Variants in TLL1 observed in about 807,000 individuals in gnomAD.
TLL1 encodes the protein tolloid like 1.
In TLL1, 49 loss-of-function variants were observed where a neutral mutation model predicts 128.2. That is an observed-to-expected ratio of 0.38 (90% CI 0.30 to 0.48). The LOEUF (loss-of-function observed/expected upper bound fraction) is 0.48, where lower values mean the gene tolerates loss of function less well. TLL1 is among the 20% of genes least tolerant of loss of function. The pLI is 0.96. For synonymous variants in TLL1, 454 were observed against 418.8 expected, an observed-to-expected ratio of 1.08 and a Z score of -1.03; for missense variants, 1,123 against 1,242.0, an observed-to-expected ratio of 0.90 and a Z score of 1.44.
intron 12 of TLL1, chr4:166,044,362 C>T: frequency 2.0e-6 from 3 of 1,535,460 alleles, no homozygotes; most frequent in Non-Finnish European, 1.7e-6. Flanking sequence ...TCTGTACCTG[C>T]AGCAGGAGCA....
intron 9 of TLL1, among the ~76,000 whole-genome samples, chr4:166,032,126 TTAAG>T (rs1466638562): frequency 1.3e-5 from 2 of 152,044 alleles, no homozygotes; most frequent in Non-Finnish European, 2.9e-5. Context: ...CAACCAAAAT[TTAAG>T]CAAGACTAGA....
At chr4:165,945,895 C>T (rs76657655) in intron 1 of TLL1, among the ~76,000 whole-genome samples, 4,452 of 152,134 alleles carry the variant, frequency 0.029, 117 homozygotes, top group African/African-American at 0.065. Context: ...AAACAGCACA[C>T]GTTAAAACTG....
chr4:165,956,040 C>T (rs1390829192), intron 1 of TLL1, among the ~76,000 whole-genome samples: 1 of 151,986 alleles, frequency 6.6e-6, no homozygotes, highest in Non-Finnish European at 1.5e-5. Flanking sequence ...GGGTGTAAAA[C>T]AGGGAGTAGA....
intron 7 of TLL1, among the ~76,000 whole-genome samples, chr4:166,009,465 A>G (rs547801446): frequency 6.6e-5 from 10 of 151,370 alleles, no homozygotes; most frequent in Admixed American, 5.3e-4. Context: ...ACTTTTTTCC[A>G]TGTTGCATTG....
chr4:166,027,345 C>T (rs1455861763), intron 9 of TLL1, among the ~76,000 whole-genome samples: 1 of 151,958 alleles, frequency 6.6e-6, no homozygotes, highest in Non-Finnish European at 1.5e-5. Flanking sequence ...CTCTCATTAG[C>T]CGTGGTGGGA....
At chr4:165,958,689 T>C (rs1332189892) in intron 1 of TLL1, among the ~76,000 whole-genome samples, 1 of 140,912 alleles carries the variant, frequency 7.1e-6, no homozygotes, top group East Asian at 2.1e-4. Context: ...GTAGTTTCTT[T>C]TGCTGTGCAG....
At chr4:166,061,163 G>A (rs1463412035) in intron 15 of TLL1, among the ~76,000 whole-genome samples, 1 of 151,700 alleles carries the variant, frequency 6.6e-6, no homozygotes, top group African/African-American at 2.4e-5. Flanking sequence ...AATATTTGTG[G>A]GTTTTATACC....
At position 166,091,280 on chromosome 4, in the gene TLL1, T is replaced by A; in HGVS notation, c.2595T>A (p.Phe865Leu). The A allele has an allele frequency of 6.2e-7, 1 of 1,613,096 alleles. No homozygotes were observed. The highest frequency in any genetic ancestry group is 8.5e-7 in the Non-Finnish European group (1 of 1,179,428). The stretch of plus-strand genomic sequence containing the variant: ...TTGTGGCTACTGGAAATAAAATGTT[T>A]GTTCGGTTTGTTTCTGATGCATCTG... ...DPLVATGNKMFVRFVSDASVQ... is the reference protein window; with the variant it reads ...DPLVATGNKMLVRFVSDASVQ... The change falls in exon 19 of 21, where the codon TTT (phenylalanine) becomes TTA (leucine). Residue 865 changes from phenylalanine (F) to leucine (L), a missense_variant. By Grantham distance (22) the Phe-to-Leu change is conservative. Transcript: ENST00000061240.
At position 165,931,667 on chromosome 4, in the gene TLL1, T is replaced by C. The variant is rs570281866; in HGVS notation, c.169+57594T>C. The stretch of plus-strand genomic sequence containing the variant: ...CAGGGAGGTGGAGCTTGCAGTGAGC[T>C]GAGATTGCACCACTGCACTCCAGCC... On this transcript the variant is annotated intron_variant, in intron 1 of 20. Coordinates refer to ENST00000061240, the MANE Select transcript of TLL1 (RefSeq NM_012464.5). Among the ~76,000 whole-genome samples, 179 of 144,492 alleles carry C rather than the reference T, an allele frequency of 1.2e-3. 1 individual carries two copies. The highest frequency in any genetic ancestry group is 3.9e-3 in the African/African-American group (153 of 38,988). 94.8% of individuals were successfully genotyped at this position (144,492 alleles called of 152,430 possible).
chr4:165,976,909 T>C (rs1028853941), intron 1 of TLL1, among the ~76,000 whole-genome samples: 4 of 152,198 alleles, frequency 2.6e-5, no homozygotes, highest in Admixed American at 6.5e-5. Flanking sequence ...TATGCGGTTT[T>C]TTTGTATTTT....
At chr4:166,075,143 T>G (rs923284799) in intron 17 of TLL1, 140 bp downstream of exon 17, 1 of 1,194,502 alleles carries the variant, frequency 8.4e-7, no homozygotes. Context: ...CAAAATTCTG[T>G]GTAATGTCCA....
chr4:166,065,611 TG>T (rs1441569815), intron 15 of TLL1, 71 bp from the exon 16 acceptor site: 13 of 1,525,118 alleles, frequency 8.5e-6, no homozygotes, highest in East Asian at 2.3e-5. Context: ...AAATAAGATA[TG>T]TTTTTTTAAG....
At chr4:166,030,560 A>G in intron 9 of TLL1, 1 of 559,158 alleles carries the variant, frequency 1.8e-6, no homozygotes, top group Non-Finnish European at 3.2e-6. Flanking sequence ...TTTTGGTGTC[A>G]TAGCCAAGAA....
intron 14 of TLL1, among the ~76,000 whole-genome samples, chr4:166,058,998 C>T (rs1740158473): frequency 6.6e-6 from 1 of 152,034 alleles, no homozygotes; most frequent in Non-Finnish European, 1.5e-5. Context: ...TAATCTTCCC[C>T]CTTTACTAGA....
chr4:166,030,604 C>T (rs1738723563), intron 9 of TLL1: 1 of 603,564 alleles, frequency 1.7e-6, no homozygotes, highest in Non-Finnish European at 2.5e-6. Context: ...GAAGTTTTTA[C>T]CCTGTGTTTT....
intron 16 of TLL1, among the ~76,000 whole-genome samples, chr4:166,068,009 C>T (rs1503302): frequency 6.6e-6 from 1 of 151,392 alleles, no homozygotes; most frequent in African/African-American, 2.4e-5. Context: ...TATAATTTTC[C>T]CTTCTTTATT....
rs545782063 is a variant in TLL1 at position 166,044,228 on chromosome 4, A to C, written c.1524+809A>C. The stretch of plus-strand genomic sequence containing the variant: ...ATACATGATTGGAGATGGAGTCTTT[A>C]CTGATTGGAAGACTAATTCACTAAG... On this transcript the variant is annotated intron_variant, in intron 12 of 20. Transcript: ENST00000061240. 9.4e-6 allele frequency: 6 copies of C among 640,048 alleles called. No homozygotes were observed. The South Asian group carries it at 1.4e-4, about 15-fold the overall frequency. 39.6% of individuals were successfully genotyped at this position (640,048 alleles called of 1,614,324 possible).
chr4:166,085,623 G>A, intron 18 of TLL1, among the ~76,000 whole-genome samples: 1 of 152,058 alleles, frequency 6.6e-6, no homozygotes, highest in Non-Finnish European at 1.5e-5. Context: ...TCCTTGGGAT[G>A]AATCCCACTT....
chr4:165,943,160 C>G (rs1734095620), intron 1 of TLL1, among the ~76,000 whole-genome samples: 1 of 151,978 alleles, frequency 6.6e-6, no homozygotes. Flanking sequence ...CTAGCTCATT[C>G]AAATAGAATC....
Sources: gnomAD v4.1 joint callset for allele counts (sites outside exome capture counted in the v4.1 genomes callset) on GRCh38, gnomAD v4.1.1 for gene constraint, MANE v1.5 for transcripts, NCBI Gene and HGNC (gene_info 2026-07-23, HGNC 2026-07-21) for gene names.